UBE3D: variants seen among roughly 807,000 people sequenced by gnomAD.
UBE3D encodes the protein E3 ubiquitin-protein ligase E3D.
Under a neutral mutation model 49.6 loss-of-function variants are expected in UBE3D, and 48 were observed. That is an observed-to-expected ratio of 0.97 (90% CI 0.77 to 1.23). The LOEUF (loss-of-function observed/expected upper bound fraction) is 1.23. Among genes scored for constraint, UBE3D ranks in the 50% most tolerant of loss-of-function variants. UBE3D has a pLI of 0.00. For synonymous variants in UBE3D, 189 were observed against 174.2 expected (o/e 1.08, Z -0.67); for missense variants, 452 against 468.4 (o/e 0.96, Z 0.32).
chr6:82,931,000 C>T (rs945630005), intron 9 of UBE3D, among the ~76,000 whole-genome samples: 7 of 152,144 alleles, frequency 4.6e-5, no homozygotes, highest in East Asian at 1.9e-4. Flanking sequence ...AAAATGGTTT[C>T]GTGGGCCAGG....
At chr6:82,915,858 C>T (rs547916056) in intron 9 of UBE3D, among the ~76,000 whole-genome samples, 9 of 152,184 alleles carry the variant, frequency 5.9e-5, no homozygotes, top group Non-Finnish European at 1.0e-4. Flanking sequence ...GGAAGTGATG[C>T]AAATATCAGT....
At chr6:83,041,434 T>TA (rs1179338089) in intron 4 of UBE3D, among the ~76,000 whole-genome samples, 2 of 152,224 alleles carry the variant, frequency 1.3e-5, no homozygotes, top group African/African-American at 4.8e-5. Flanking sequence ...AGACAATTGA[T>TA]AAAATCTGTA....
At chr6:82,914,454 C>A (rs1772763136) in intron 9 of UBE3D, among the ~76,000 whole-genome samples, 1 of 152,090 alleles carries the variant, frequency 6.6e-6, no homozygotes, top group South Asian at 2.1e-4. Flanking sequence ...TTCCAAGGTG[C>A]CACAAGTGGA....
intron 9 of UBE3D, among the ~76,000 whole-genome samples, chr6:82,903,732 G>A (rs1214130066): frequency 6.6e-6 from 1 of 152,072 alleles, no homozygotes; most frequent in Non-Finnish European, 1.5e-5. Flanking sequence ...TATTTCTTAA[G>A]TCTATCGTTT....
intron 9 of UBE3D, among the ~76,000 whole-genome samples, chr6:82,912,446 T>C (rs962073474): frequency 6.8e-6 from 1 of 146,962 alleles, no homozygotes; most frequent in African/African-American, 2.5e-5. Context: ...AATTTTTGGA[T>C]TTTTTTTTTT....
chr6:82,898,495 G>A (rs1213750694), intron 9 of UBE3D, among the ~76,000 whole-genome samples: 1 of 152,082 alleles, frequency 6.6e-6, no homozygotes, highest in Non-Finnish European at 1.5e-5. Context: ...ATACTATGCA[G>A]CCATAAAAAG....
intron 1 of UBE3D, among the ~76,000 whole-genome samples, chr6:83,065,122 G>A (rs1375245002): frequency 6.6e-6 from 1 of 152,206 alleles, no homozygotes; most frequent in Non-Finnish European, 1.5e-5. Context: ...ACCTGTCTTA[G>A]TGGTTCACTA....
intron 8 of UBE3D, among the ~76,000 whole-genome samples, chr6:82,965,062 T>C (rs994860270): frequency 1.3e-5 from 2 of 152,182 alleles, no homozygotes; most frequent in East Asian, 1.9e-4. Flanking sequence ...AATTCCTGAA[T>C]GCTATGCCTT....
intron 4 of UBE3D, among the ~76,000 whole-genome samples, chr6:83,040,936 G>A (rs147574945): frequency 1.1e-3 from 163 of 152,332 alleles, no homozygotes; most frequent in African/African-American, 3.8e-3. Context: ...CCAGGAGGAA[G>A]AGAACTCAGA....
chr6:83,026,480 A>G (rs1781469007), intron 5 of UBE3D, among the ~76,000 whole-genome samples: 1 of 152,156 alleles, frequency 6.6e-6, no homozygotes, highest in Admixed American at 6.5e-5. Context: ...ACAACTTTTA[A>G]TAAGACAAAG....
intron 8 of UBE3D, among the ~76,000 whole-genome samples, chr6:83,007,856 G>C (rs1780084211): frequency 6.6e-6 from 1 of 152,002 alleles, no homozygotes; most frequent in South Asian, 2.1e-4. Flanking sequence ...GAGGTGGGAG[G>C]ATCACTTGAG....
At chr6:83,013,150 G>A (rs138286397) in intron 8 of UBE3D, among the ~76,000 whole-genome samples, 1 of 152,298 alleles carries the variant, frequency 6.6e-6, no homozygotes, top group East Asian at 1.9e-4. Context: ...GAATGCTGCT[G>A]TGCAGGACCA....
At chr6:83,047,095 T>C (rs906003484) in intron 3 of UBE3D, among the ~76,000 whole-genome samples, 3 of 152,220 alleles carry the variant, frequency 2.0e-5, no homozygotes, top group Non-Finnish European at 4.4e-5. Context: ...TTTTGATAAC[T>C]ATAATGTGTG....
At chr6:82,910,319 A>G (rs1772408727) in intron 9 of UBE3D, among the ~76,000 whole-genome samples, 1 of 152,192 alleles carries the variant, frequency 6.6e-6, no homozygotes, top group South Asian at 2.1e-4. Context: ...TTTTCAGTAA[A>G]TATTTGTTGC....
chr6:82,981,279 T>C (rs914147547), intron 8 of UBE3D, among the ~76,000 whole-genome samples: 53 of 152,108 alleles, frequency 3.5e-4, no homozygotes, highest in African/African-American at 1.2e-3. Context: ...GCTTCAAAGC[T>C]TTCTTGTGAA....
intron 8 of UBE3D, chr6:83,018,720 C>A (rs958995267): frequency 3.0e-5 from 12 of 404,740 alleles, no homozygotes; most frequent in African/African-American, 2.5e-4. Context: ...AGCACTGCAG[C>A]CATATGTACA....
chr6:83,011,744 C>T (rs1413098754), intron 8 of UBE3D, among the ~76,000 whole-genome samples: 2 of 152,044 alleles, frequency 1.3e-5, no homozygotes, highest in Admixed American at 1.3e-4. Flanking sequence ...CTCGTGGCAG[C>T]GTTGCTCCCA....
rs996350554 is a variant in UBE3D, at chr6:82,975,890, G to A, written c.1011-18440C>T. Among the ~76,000 whole-genome samples the A allele has an allele frequency of 2.6e-5, 4 of 151,956 alleles. 1 individual carries two copies. Among genetic ancestry groups the A allele is most frequent in the African/African-American group, 9.7e-5 (4 of 41,374 alleles). On this transcript the variant is annotated intron_variant, in intron 8 of 9. Transcript: ENST00000369747. Reference sequence around the variant, plus strand: ...TGCTATTAATAGAATTCTTTTCTTAGGTAACAAAGAATACAAAATAAGTAA... The same window carrying A: ...TGCTATTAATAGAATTCTTTTCTTAAGTAACAAAGAATACAAAATAAGTAA...
chr6:82,901,619 T>G (rs1471361780), intron 9 of UBE3D, among the ~76,000 whole-genome samples: 1 of 152,126 alleles, frequency 6.6e-6, no homozygotes, highest in Non-Finnish European at 1.5e-5. Flanking sequence ...TAAAGTGACA[T>G]AGCTAATTAG....
Sources: allele counts gnomAD v4.1 joint callset (sites outside exome capture counted in the v4.1 genomes callset), GRCh38; gene constraint gnomAD v4.1.1; transcripts MANE v1.5; gene names NCBI Gene and HGNC (gene_info 2026-07-23, HGNC 2026-07-21).